The following XYLT1 variants were observed in gnomAD, a reference collection of about 807,000 sequenced individuals.
XYLT1 encodes the protein xylosyltransferase 1.
XYLT1 carries 36 observed loss-of-function variants against 91.3 expected under a neutral mutation model. The observed-to-expected ratio is 0.39, with a 90% CI of 0.30 to 0.52. XYLT1 has a LOEUF of 0.52. XYLT1 is among the 20% of genes least tolerant of loss of function. The probability of loss-of-function intolerance (pLI) is 0.68; values close to 1 mark genes in which losing one functional copy is unlikely to be tolerated. For synonymous variants in XYLT1, 588 were observed against 532.0 expected, an observed-to-expected ratio of 1.11 and a Z score of -1.45; for missense variants, 1,242 against 1,284.5, an observed-to-expected ratio of 0.97 and a Z score of 0.51.
intron 1 of XYLT1, among the ~76,000 whole-genome samples, chr16:17,415,838 T>C (rs992707192): frequency 2.0e-5 from 3 of 151,796 alleles, no homozygotes; most frequent in African/African-American, 7.3e-5. Flanking sequence ...ACGGGAAGTG[T>C]TGAATAAAGG....
intron 1 of XYLT1, among the ~76,000 whole-genome samples, chr16:17,377,175 T>TCACACACACC (rs1555500967): frequency 8.0e-5 from 12 of 150,830 alleles, no homozygotes; most frequent in African/African-American, 2.7e-4. Flanking sequence ...AGACTCTGCC[T>TCACACACACC]CACACACACA....
chr16:17,129,327 T>C lies in XYLT1; in HGVS notation c.2028-1466A>G, dbSNP rs538319369. 9.2e-5 allele frequency among the ~76,000 whole-genome samples: 14 copies of C among 152,230 alleles called. No homozygotes were observed. The South Asian group carries it at 2.5e-3, about 27-fold the overall frequency. On this transcript the variant is annotated intron_variant, in intron 9 of 11. Coordinates refer to ENST00000261381, the MANE Select transcript of XYLT1 (RefSeq NM_022166.4). ...CCCAGGCTGGAGTGCAGTGGCATGA[T>C]CTTGGCTCACTGCAACCTCCGCCTC... is the stretch of plus-strand genomic sequence containing the variant.
chr16:17,462,779 A>T (rs1038018641), intron 1 of XYLT1, among the ~76,000 whole-genome samples: 2 of 152,188 alleles, frequency 1.3e-5, no homozygotes, highest in African/African-American at 4.8e-5. Flanking sequence ...GAGAGAGCTG[A>T]ATTCAAGACT....
intron 3 of XYLT1, among the ~76,000 whole-genome samples, chr16:17,236,899 A>G (rs1437533422): frequency 6.6e-6 from 1 of 152,210 alleles, no homozygotes. Flanking sequence ...CAAAGACCCT[A>G]TTTCCAAATA....
intron 3 of XYLT1, among the ~76,000 whole-genome samples, chr16:17,247,457 C>T (rs777588587): frequency 2.6e-5 from 4 of 152,172 alleles, no homozygotes; most frequent in Non-Finnish European, 5.9e-5. Context: ...ACAAGAGCTG[C>T]CAATCGAGAG....
intron 11 of XYLT1, 45 bp downstream of exon 11, chr16:17,117,601 C>T (rs764259236): frequency 2.5e-6 from 4 of 1,573,432 alleles, no homozygotes; most frequent in Admixed American, 1.7e-5. Context: ...CTCAAGGTCC[C>T]CAGGGAAGGA....
At chr16:17,447,980 G>A (rs1596551094) in intron 1 of XYLT1, among the ~76,000 whole-genome samples, 1 of 152,200 alleles carries the variant, frequency 6.6e-6, no homozygotes, top group East Asian at 1.9e-4. Flanking sequence ...ACAATTTGGG[G>A]CAAAAGGGTG....
At chr16:17,235,643 T>C (rs1048792415) in intron 3 of XYLT1, among the ~76,000 whole-genome samples, 1 of 152,172 alleles carries the variant, frequency 6.6e-6, no homozygotes, top group Admixed American at 6.5e-5. Context: ...TTATGACAAA[T>C]GCTTTCTTTG....
chr16:17,184,037 G>C lies in XYLT1; in HGVS notation c.1289+14175C>G, dbSNP rs77580999. On this transcript the variant is annotated intron_variant, in intron 5 of 11. Transcript: ENST00000261381. Reference sequence around the variant, plus strand: ...CAGTTAGATGTAAGGAACAGGCAAGGGAAGAATAATAGACTCTACAATAAA... The same window carrying C: ...CAGTTAGATGTAAGGAACAGGCAAGCGAAGAATAATAGACTCTACAATAAA... 2.6e-3 allele frequency among the ~76,000 whole-genome samples: 397 copies of C among 152,124 alleles called. 2 individuals carry two copies. The highest frequency in any genetic ancestry group is 9.4e-3 in the African/African-American group (388 of 41,496).
In XYLT1 at chr16:17,248,965, G is replaced by A. The variant is rs185225156; in HGVS notation, c.913+10023C>T. The stretch of plus-strand genomic sequence containing the variant: ...TGGTATCAAACTCCTGACCTCAAGC[G>A]ATCCACCTGCCTCCCAAAGTGCTGT... On this transcript the variant is annotated intron_variant, in intron 3 of 11. Coordinates refer to ENST00000261381, the MANE Select transcript of XYLT1 (RefSeq NM_022166.4). Among the ~76,000 whole-genome samples the A allele has an allele frequency of 1.9e-3, 286 of 151,870 alleles. 2 individuals are homozygous for A. The highest frequency in any genetic ancestry group is 6.3e-3 in the African/African-American group (259 of 41,414).
At chr16:17,268,424 CA>C (rs1427521231) in intron 2 of XYLT1, among the ~76,000 whole-genome samples, 1 of 152,106 alleles carries the variant, frequency 6.6e-6, no homozygotes, top group African/African-American at 2.4e-5. Context: ...CTACCTAAGC[CA>C]AAGCTCTTTG....
At chr16:17,408,209 C>T (rs115367448) in intron 1 of XYLT1, among the ~76,000 whole-genome samples, 1,803 of 152,280 alleles carry the variant, frequency 0.012, 46 homozygotes, top group African/African-American at 0.04. Flanking sequence ...GGTACAACAC[C>T]GAGTTCTTTT....
Position 17,127,652 on chromosome 16 carries a change from A to G in XYLT1, c.2223+14T>C. 6.2e-7 allele frequency: 1 copy of G among 1,611,642 alleles called. No homozygotes were observed. Among genetic ancestry groups the G allele is most frequent in the Non-Finnish European group, 8.5e-7 (1 of 1,178,918 alleles). ...GCAAAATACAATGAAATGTGACAAGACCTGGCCTCTTACCTCGGAAAACTG... is the reference window on the plus strand; with the variant it reads ...GCAAAATACAATGAAATGTGACAAGGCCTGGCCTCTTACCTCGGAAAACTG... On this transcript the variant is annotated intron_variant, in intron 10 of 11. Transcript: ENST00000261381.
At chr16:17,225,653 C>T (rs1365841781) in intron 3 of XYLT1, among the ~76,000 whole-genome samples, 2 of 151,620 alleles carry the variant, frequency 1.3e-5, no homozygotes, top group Non-Finnish European at 2.9e-5. Context: ...TGTTAGACAG[C>T]GAAATGGAAT....
chr16:17,158,998 C>A, intron 5 of XYLT1, 89 bp from the exon 6 acceptor site: 1 of 1,130,484 alleles, frequency 8.8e-7, no homozygotes, highest in South Asian at 1.3e-5. Flanking sequence ...TTATGTCAGT[C>A]TGCTTGAAGC....
At chr16:17,129,072 GAAAA>G (rs34234422) in intron 9 of XYLT1, among the ~76,000 whole-genome samples, 58 of 95,208 alleles carry the variant, frequency 6.1e-4, no homozygotes, top group African/African-American at 5.3e-4. Flanking sequence ...AGGGAGCATA[GAAAA>G]AAAAAAAAAA....
At chr16:17,376,853 A>G (rs1417284668) in intron 1 of XYLT1, among the ~76,000 whole-genome samples, 3 of 114,638 alleles carry the variant, frequency 2.6e-5, no homozygotes, top group Non-Finnish European at 5.7e-5. Context: ...AAAAAAAAAA[A>G]TAGGGACCAA....
intron 2 of XYLT1, among the ~76,000 whole-genome samples, chr16:17,299,321 G>C (rs1041334536): frequency 2.0e-5 from 3 of 152,154 alleles, no homozygotes; most frequent in African/African-American, 7.2e-5. Flanking sequence ...ACAGAATGAA[G>C]AGGGGGTGGC....
chr16:17,372,665 G>A (rs890695077), intron 1 of XYLT1, among the ~76,000 whole-genome samples: 2 of 152,196 alleles, frequency 1.3e-5, no homozygotes, highest in East Asian at 1.9e-4. Flanking sequence ...TCTTCCGTGT[G>A]ACTTCAGCAT....
Sources: gnomAD v4.1 joint callset for allele counts (sites outside exome capture counted in the v4.1 genomes callset) on GRCh38, gnomAD v4.1.1 for gene constraint, MANE v1.5 for transcripts, NCBI Gene and HGNC (gene_info 2026-07-23, HGNC 2026-07-21) for gene names.